The following SPDL1 variants were observed in gnomAD, a reference collection of about 807,000 sequenced individuals.
SPDL1 encodes the protein spindle apparatus coiled-coil protein 1.
In SPDL1, 85 loss-of-function variants were observed where a neutral mutation model predicts 79.5. That is an observed-to-expected ratio of 1.07 (90% CI 0.90 to 1.28). SPDL1 has a LOEUF of 1.28. Among genes scored for constraint, SPDL1 ranks in the 50% most tolerant of loss-of-function variants. The pLI, the probability that SPDL1 is intolerant of heterozygous loss-of-function variation, is 0.00. For missense variants in SPDL1, 703 were observed against 697.8 expected (o/e 1.01, Z -0.08); for synonymous variants, 269 against 240.3 (o/e 1.12, Z -1.10).
At chr5:169,591,309 G>A (rs1207586538) in intron 3 of SPDL1, 85 bp downstream of exon 3, 62 of 1,436,862 alleles carry the variant, frequency 4.3e-5, no homozygotes, top group Non-Finnish European at 5.8e-5. Flanking sequence ...ATTTTCTTAA[G>A]TGTCAGCTTT....
chr5:169,585,579 G>C (rs73314514), intron 1 of SPDL1, among the ~76,000 whole-genome samples: 8,104 of 152,216 alleles, frequency 0.053, 250 homozygotes, highest in Non-Finnish European at 0.058. Flanking sequence ...ATTTGAAGCA[G>C]TTAGCATGGC....
At chr5:169,587,654 A>G (rs1334369294) in intron 1 of SPDL1, among the ~76,000 whole-genome samples, 1 of 152,080 alleles carries the variant, frequency 6.6e-6, no homozygotes, top group Non-Finnish European at 1.5e-5. Context: ...TTCTTACTTT[A>G]CCTTATGAGC....
At chr5:169,589,009 T>C (rs1176129310) in intron 2 of SPDL1, among the ~76,000 whole-genome samples, 1 of 152,170 alleles carries the variant, frequency 6.6e-6, no homozygotes, top group Non-Finnish European at 1.5e-5. Flanking sequence ...TAACCAAATA[T>C]TCTTTTACGA....
At chr5:169,593,292 C>G in intron 3 of SPDL1, 62 bp from the exon 4 acceptor site, 2 of 1,396,816 alleles carry the variant, frequency 1.4e-6, no homozygotes, top group Non-Finnish European at 1.9e-6. Flanking sequence ...TCAGTTCAAT[C>G]AGTGATTGTT....
intron 7 of SPDL1, 141 bp downstream of exon 7, chr5:169,594,822 C>G (rs1236762557): frequency 1.9e-6 from 1 of 531,874 alleles, no homozygotes; most frequent in African/African-American, 1.9e-5. Context: ...TTCAAAAAAT[C>G]AATTTTGAAA....
intron 1 of SPDL1, among the ~76,000 whole-genome samples, chr5:169,585,480 C>T (rs1754944433): frequency 6.6e-6 from 1 of 152,146 alleles, no homozygotes. Flanking sequence ...GCTGGAATGT[C>T]TTGAGGTTAA....
At chr5:169,584,132 C>A (rs904062570) in intron 1 of SPDL1, 1 of 152,192 alleles carries the variant, frequency 6.6e-6, no homozygotes, top group South Asian at 2.1e-4. Flanking sequence ...GCCGGGTCCT[C>A]AAAATTATAA....
chr5:169,585,675 G>C (rs1278867159), intron 1 of SPDL1, among the ~76,000 whole-genome samples: 1 of 152,182 alleles, frequency 6.6e-6, no homozygotes, highest in East Asian at 1.9e-4. Context: ...GCTTTGAAAA[G>C]GTCTTGCATT....
Position 169,598,513 on chromosome 5 carries a change from A to C in SPDL1, c.1070A>C (p.Asp357Ala). 4 of 1,613,178 alleles carry C rather than the reference A, an allele frequency of 2.5e-6. No homozygotes were observed. The highest frequency in any genetic ancestry group is 3.4e-6 in the Non-Finnish European group (4 of 1,179,374). The change falls in exon 9 of 12, where the codon GAC (aspartate) becomes GCC (alanine). Residue 357 changes from aspartate to alanine, a missense_variant. Asp to Ala is a moderately radical substitution (Grantham distance 126, BLOSUM62 -2). Transcript: ENST00000265295. ...YDSMESKPSV[D>A]SGTLEDNTYY... is the part of the protein sequence containing the mutation. ...AGTATGGAATCTAAGCCTTCAGTCG[A>C]CTCTGGTACTCTGGAAGATAACACC...
intron 10 of SPDL1, among the ~76,000 whole-genome samples, chr5:169,600,822 A>G (rs934009978): frequency 6.6e-5 from 10 of 152,246 alleles, no homozygotes; most frequent in Non-Finnish European, 1.3e-4. Flanking sequence ...TAATCCTTCT[A>G]ATACACAATA....
chr5:169,596,014 G>T (rs1455417774), intron 7 of SPDL1: 1 of 152,146 alleles, frequency 6.6e-6, no homozygotes, highest in African/African-American at 2.4e-5. Flanking sequence ...GATTTGGGGT[G>T]GGGGAGGTAT....
intron 9 of SPDL1, 74 bp from the exon 10 acceptor site, chr5:169,598,898 A>G: frequency 2.7e-6 from 4 of 1,473,090 alleles, no homozygotes; most frequent in Non-Finnish European, 3.6e-6. Flanking sequence ...CAAATATGCG[A>G]TGAAATATTT....
chr5:169,604,321 G>T lies in SPDL1; in HGVS notation c.*114G>T, dbSNP rs953207977. ...CTGGGTTATTTACTCATTGTGCCAG[G>T]ACCTGGCATTTTCATGTGCCTTTGA... On this transcript the variant is annotated 3_prime_UTR_variant, in exon 12 of 12. Transcript: ENST00000265295. 9.0e-7 allele frequency: 1 copy of T among 1,109,294 alleles called. No homozygotes were observed. Among genetic ancestry groups the T allele is most frequent in the South Asian group, 2.5e-5 (1 of 40,350 alleles). 68.7% of individuals were successfully genotyped at this position (1,109,294 alleles called of 1,614,324 possible). A position where few individuals can be genotyped will look rare whatever the true frequency, so the allele number is the denominator to read the frequency against.
intron 3 of SPDL1, among the ~76,000 whole-genome samples, chr5:169,592,908 T>A (rs894053504): frequency 9.2e-5 from 14 of 151,850 alleles, no homozygotes; most frequent in South Asian, 2.1e-4. Context: ...TGGATTTTTT[T>A]AATACCTTTT....
chr5:169,585,463 A>G (rs1463833543), intron 1 of SPDL1, among the ~76,000 whole-genome samples: 1 of 152,222 alleles, frequency 6.6e-6, no homozygotes, highest in Non-Finnish European at 1.5e-5. Flanking sequence ...TTCTCTGGAT[A>G]TGCCTGGCTG....
intron 10 of SPDL1, among the ~76,000 whole-genome samples, chr5:169,599,887 G>T (rs556436879): frequency 6.6e-6 from 1 of 152,224 alleles, no homozygotes; most frequent in East Asian, 1.9e-4. Flanking sequence ...ATTTGCTTGG[G>T]CAATATAGCA....
At chr5:169,589,419 A>G (rs1319497499) in intron 2 of SPDL1, among the ~76,000 whole-genome samples, 1 of 152,120 alleles carries the variant, frequency 6.6e-6, no homozygotes, top group Non-Finnish European at 1.5e-5. Context: ...TTTATTTACA[A>G]CAAAATCTGA....
At chr5:169,593,738 A>T (rs1755425513) in intron 4 of SPDL1, among the ~76,000 whole-genome samples, 190 bp downstream of exon 4, 2 of 152,256 alleles carry the variant, frequency 1.3e-5, no homozygotes, top group African/African-American at 4.8e-5. Context: ...GCTTTAGACT[A>T]TATGATTATG....
chr5:169,603,805 G>A (rs1756051634), intron 11 of SPDL1, among the ~76,000 whole-genome samples: 1 of 152,170 alleles, frequency 6.6e-6, no homozygotes, highest in Non-Finnish European at 1.5e-5. Flanking sequence ...AGTGAGCCGA[G>A]ATCATGCCAC....
Sources: gnomAD v4.1 joint callset for allele counts (sites outside exome capture counted in the v4.1 genomes callset) on GRCh38, gnomAD v4.1.1 for gene constraint, MANE v1.5 for transcripts, NCBI Gene and HGNC (gene_info 2026-07-23, HGNC 2026-07-21) for gene names.